CLIC5: variants seen among roughly 807,000 people sequenced by gnomAD.
The protein encoded by CLIC5 is chloride intracellular channel protein 5.
A neutral mutation model predicts 24.7 loss-of-function variants in CLIC5; 20 were observed. That is an observed-to-expected ratio of 0.81 (90% CI 0.57 to 1.18). The LOEUF is 1.18. Among genes scored for constraint, CLIC5 ranks in the 50% most tolerant of loss-of-function variants. CLIC5 has a pLI of 0.00. For synonymous variants in CLIC5, 159 were observed against 135.6 expected, an observed-to-expected ratio of 1.17 and a Z score of -1.20; for missense variants, 341 against 326.1, an observed-to-expected ratio of 1.05 and a Z score of -0.35.
the CLIC5 span, among the ~76,000 whole-genome samples, chr6:46,117,876 T>G: frequency 6.6e-6 from 1 of 152,196 alleles, no homozygotes; most frequent in African/African-American, 2.4e-5. Context: ...GCAACAATTT[T>G]TTTAGTGGTA....
chr6:46,099,977 A>G, the CLIC5 span, among the ~76,000 whole-genome samples: 1 of 150,090 alleles, frequency 6.7e-6, no homozygotes, highest in South Asian at 2.1e-4. Context: ...CTTAAAATTC[A>G]TAAGGCCATA....
At chr6:45,994,248 C>A (rs947159764) in intron 1 of CLIC5, among the ~76,000 whole-genome samples, 3 of 152,032 alleles carry the variant, frequency 2.0e-5, no homozygotes, top group Admixed American at 2.0e-4. Flanking sequence ...TTTATTTACC[C>A]GTTGATGATA....
Position 46,015,461 on chromosome 6 carries a change from A to ACC in CLIC5, c.63+18_63+19insGG. 6 of 1,497,020 alleles carry ACC rather than the reference A, an allele frequency of 4.0e-6. No homozygotes were observed. The highest frequency in any genetic ancestry group is 5.4e-6 in the Non-Finnish European group (6 of 1,120,698). The allele number at this position is 1,497,020 out of a possible 1,614,324, so 92.7% of individuals were successfully genotyped here. A position where few individuals can be genotyped will look rare whatever the true frequency, so the allele number is the denominator to read the frequency against. On this transcript the variant is annotated intron_variant, in intron 1 of 5. Coordinates refer to ENST00000339561, the MANE Select transcript of CLIC5 (RefSeq NM_016929.5). ...CGGGAGGCGCGGCAGGTGCGGCGGG[A>ACC]GACTGGACCCCGACCTACCTTCACA...
chr6:45,934,494 C>T (rs1763860421), intron 4 of CLIC5, among the ~76,000 whole-genome samples: 1 of 152,190 alleles, frequency 6.6e-6, no homozygotes, highest in South Asian at 2.1e-4. Flanking sequence ...GGGCAAAACA[C>T]CACTTAGTGC....
intron 4 of CLIC5, among the ~76,000 whole-genome samples, chr6:45,938,672 G>A (rs930658128): frequency 3.3e-5 from 5 of 152,248 alleles, no homozygotes; most frequent in South Asian, 2.1e-4. Flanking sequence ...ATGGATATGC[G>A]GCATTTGGTG....
chr6:46,102,540 C>T, the CLIC5 span: 4 of 152,322 alleles, frequency 2.6e-5, no homozygotes, highest in Admixed American at 2.0e-4. Context: ...TATGACTCAC[C>T]TTGAGAGAAA....
intron 4 of CLIC5, chr6:45,932,809 C>T (rs1763789101): frequency 6.6e-6 from 1 of 152,272 alleles, no homozygotes; most frequent in Non-Finnish European, 1.5e-5. Context: ...CTGAATGGAA[C>T]AAGAAGACAA....
intron 1 of CLIC5, among the ~76,000 whole-genome samples, chr6:45,991,139 T>C (rs1765921029): frequency 6.6e-6 from 1 of 152,206 alleles, no homozygotes; most frequent in Non-Finnish European, 1.5e-5. Flanking sequence ...TATGGCTTGT[T>C]TCTAGCTAAC....
At chr6:45,956,790 A>G (rs762573274) in intron 1 of CLIC5, among the ~76,000 whole-genome samples, 10 of 152,184 alleles carry the variant, frequency 6.6e-5, no homozygotes, top group Non-Finnish European at 1.5e-4. Flanking sequence ...ACTTTTCCTC[A>G]GTGCTGGAAG....
the CLIC5 span, among the ~76,000 whole-genome samples, chr6:46,114,169 A>G: frequency 6.6e-6 from 1 of 152,232 alleles, no homozygotes; most frequent in Non-Finnish European, 1.5e-5. Context: ...TATTATGTGG[A>G]ACCCTTTCTT....
At chr6:46,009,356 C>T (rs1186790990) in intron 1 of CLIC5, among the ~76,000 whole-genome samples, 25 of 152,202 alleles carry the variant, frequency 1.6e-4, no homozygotes, top group Non-Finnish European at 3.5e-4. Flanking sequence ...AGAAAAGACA[C>T]GTTTCCAAAG....
At chr6:45,996,988 G>T (rs1399274182) in intron 1 of CLIC5, among the ~76,000 whole-genome samples, 1 of 152,082 alleles carries the variant, frequency 6.6e-6, no homozygotes, top group Non-Finnish European at 1.5e-5. Context: ...ATTTGACCCA[G>T]CCATCCCATT....
intron 4 of CLIC5, among the ~76,000 whole-genome samples, chr6:45,914,837 G>C (rs1762963462): frequency 6.6e-6 from 1 of 150,992 alleles, no homozygotes; most frequent in Non-Finnish European, 1.5e-5. Flanking sequence ...TGTAGTCCCA[G>C]CTACTCGGGA....
intron 5 of CLIC5, chr6:45,911,494 C>A: frequency 3.4e-6 from 2 of 580,340 alleles, no homozygotes; most frequent in Non-Finnish European, 4.3e-6. Context: ...CAAATTCATG[C>A]AGGAGTGGTG....
intron 1 of CLIC5, among the ~76,000 whole-genome samples, chr6:46,042,545 A>ATCAT (rs1434834053): frequency 2.6e-5 from 4 of 151,656 alleles, no homozygotes; most frequent in African/African-American, 9.7e-5. Flanking sequence ...CCAGCACGTC[A>ATCAT]CACATCATCA....
At chr6:45,990,763 T>C (rs1765908205) in intron 1 of CLIC5, among the ~76,000 whole-genome samples, 1 of 152,218 alleles carries the variant, frequency 6.6e-6, no homozygotes, top group Admixed American at 6.5e-5. Context: ...GTTTGCAATA[T>C]AATGATAACC....
rs1330461881 is a variant in CLIC5, at chr6:45,999,318, A to G, written c.63+16162T>C. 1.3e-5 allele frequency among the ~76,000 whole-genome samples: 2 copies of G among 152,232 alleles called. 1 individual carries two copies. The highest frequency in any genetic ancestry group is 4.8e-5 in the African/African-American group (2 of 41,460). ...TTACTTGACAATTGGTGAATATAAA[A>G]TAAATGAAAAGATAGGTATGGATTT... On this transcript the variant is annotated intron_variant, in intron 1 of 5. Transcript: ENST00000339561.
At chr6:45,968,467 A>C (rs975642378) in intron 1 of CLIC5, among the ~76,000 whole-genome samples, 36 of 152,234 alleles carry the variant, frequency 2.4e-4, no homozygotes, top group African/African-American at 8.7e-4. Flanking sequence ...CTGAAACCAG[A>C]CATGTAGGTT....
chr6:46,028,986 C>A (rs1406619323), intron 1 of CLIC5, among the ~76,000 whole-genome samples: 1 of 152,166 alleles, frequency 6.6e-6, no homozygotes, highest in East Asian at 1.9e-4. Context: ...CCCACCCCCA[C>A]TAACCCCTGG....
Sources: allele counts gnomAD v4.1 joint callset (sites outside exome capture counted in the v4.1 genomes callset), GRCh38; gene constraint gnomAD v4.1.1; transcripts MANE v1.5; gene names NCBI Gene and HGNC (gene_info 2026-07-23, HGNC 2026-07-21).